The following PTCHD4 variants were observed in gnomAD, a reference collection of about 807,000 sequenced individuals.
PTCHD4 encodes patched domain-containing protein 4.
Under a neutral mutation model 58.1 loss-of-function variants are expected in PTCHD4, and 33 were observed. The ratio of observed to expected loss-of-function variants is 0.57; its 90% CI spans 0.43 to 0.76. The LOEUF is 0.76. Ranked by LOEUF, PTCHD4 falls within the 30% of genes least tolerant of loss-of-function variation. PTCHD4 has a pLI of 0.00. For missense variants in PTCHD4, 1,058 were observed against 1,027.1 expected (o/e 1.03, Z -0.41); for synonymous variants, 478 against 409.6 (o/e 1.17, Z -2.02).
chr6:48,070,019 C>A (rs1764945282), intron 1 of PTCHD4, among the ~76,000 whole-genome samples, 93 bp from the exon 2 acceptor site: 1 of 152,118 alleles, frequency 6.6e-6, no homozygotes, highest in East Asian at 1.9e-4. Flanking sequence ...AGAAAGAAAA[C>A]CCCCACCAGA....
chr6:48,069,155 AG>A lies in PTCHD4; in HGVS notation c.-199del, dbSNP rs1175946073. Among the ~76,000 whole-genome samples, 1 of 12,090 alleles carries A rather than the reference AG, an allele frequency of 8.3e-5. No individual in the cohort carries two copies. Among genetic ancestry groups the A allele is most frequent in the Admixed American group, 1.2e-3 (1 of 806 alleles). The allele number at this position is 12,090 out of a possible 152,430, so 7.9% of individuals were successfully genotyped here. On this transcript the variant is annotated 5_prime_UTR_variant, in exon 2 of 5. The change abolishes the stop of an existing upstream ORF in the 5' untranslated region. Coordinates refer to ENST00000339488, the MANE Select transcript of PTCHD4 (RefSeq NM_001384253.1). Reference sequence around the variant, plus strand: ...TGCCCCATAAAGGGGGGGGGGGCTGAGGGGGGGAGAGGAGGGAGAAGGGCGG... The same window carrying A: ...TGCCCCATAAAGGGGGGGGGGGCTGAGGGGGGAGAGGAGGGAGAAGGGCGG...
Position 47,869,342 on chromosome 6 carries a change from T to G in PTCHD4, c.*8961A>C, listed in dbSNP as rs1763658781. Among the ~76,000 whole-genome samples the G allele has an allele frequency of 1.3e-5, 2 of 151,730 alleles. No homozygotes were observed. The highest frequency in any genetic ancestry group is 6.6e-5 in the Admixed American group (1 of 15,192). On this transcript the variant is annotated 3_prime_UTR_variant, in exon 5 of 5. Coordinates refer to ENST00000339488, the MANE Select transcript of PTCHD4 (RefSeq NM_001384253.1). ...TACTGAGGAGCCGCTGGCTCACTCATTGTCTCCATCTTCTGCAGCTCTCAT... is the reference window on the plus strand; with the variant it reads ...TACTGAGGAGCCGCTGGCTCACTCAGTGTCTCCATCTTCTGCAGCTCTCAT...
chr6:47,864,759 G>A lies in PTCHD4; in HGVS notation c.*13544C>T, dbSNP rs1182458724. 6.6e-6 allele frequency among the ~76,000 whole-genome samples: 1 copy of A among 151,970 alleles called. No homozygotes were observed. Among genetic ancestry groups the A allele is most frequent in the Admixed American group, 6.6e-5 (1 of 15,234 alleles). ...TAATGCTAATGTTAAAACCATGTAT[G>A]TGTGAAATATTTGACAGGACAATTA... On this transcript the variant is annotated 3_prime_UTR_variant, in exon 5 of 5. Coordinates refer to ENST00000339488, the MANE Select transcript of PTCHD4 (RefSeq NM_001384253.1).
At chr6:47,947,259 T>C (rs16876853) in intron 4 of PTCHD4, among the ~76,000 whole-genome samples, 13,686 of 152,220 alleles carry the variant, frequency 0.09, 800 homozygotes, top group African/African-American at 0.16. Context: ...TATATTGATA[T>C]GCTACTTTCC....
At chr6:47,891,237 A>G (rs2114125573) in intron 4 of PTCHD4, among the ~76,000 whole-genome samples, 1 of 151,284 alleles carries the variant, frequency 6.6e-6, no homozygotes, top group Non-Finnish European at 1.5e-5. Flanking sequence ...AAAAAAAAAA[A>G]AAAAAAGATT....
intron 4 of PTCHD4, among the ~76,000 whole-genome samples, chr6:47,970,116 T>G (rs1767449012): frequency 6.6e-6 from 1 of 152,172 alleles, no homozygotes; most frequent in African/African-American, 2.4e-5. Flanking sequence ...TGACTTAGTT[T>G]TCTTGTAGTC....
At chr6:47,984,397 C>T (rs1357409469) in intron 4 of PTCHD4, among the ~76,000 whole-genome samples, 6 of 152,032 alleles carry the variant, frequency 3.9e-5, no homozygotes, top group Admixed American at 3.9e-4. Context: ...CTTATAAAAC[C>T]ATCAGATCTC....
At position 47,865,689 on chromosome 6, in the gene PTCHD4, C is replaced by T. The variant is rs2114067373; in HGVS notation, c.*12614G>A. On this transcript the variant is annotated 3_prime_UTR_variant, in exon 5 of 5. Coordinates refer to ENST00000339488, the MANE Select transcript of PTCHD4 (RefSeq NM_001384253.1). The stretch of plus-strand genomic sequence containing the variant: ...ATATTACCTTCATTGCTGATGACCA[C>T]AACAGCCTCCTAACTTAATTCTTTG... Among the ~76,000 whole-genome samples, 1 of 151,906 alleles carries T rather than the reference C, an allele frequency of 6.6e-6. No individual in the cohort carries two copies. The highest frequency in any genetic ancestry group is 2.1e-4 in the South Asian group (1 of 4,822).
At chr6:48,078,001 C>T (rs989037633) in intron 1 of PTCHD4, among the ~76,000 whole-genome samples, 5 of 152,086 alleles carry the variant, frequency 3.3e-5, no homozygotes, top group African/African-American at 1.2e-4. Context: ...CCAATAAACT[C>T]GTTCAATGCA....
At chr6:48,003,335 A>T (rs1032490184) in intron 4 of PTCHD4, among the ~76,000 whole-genome samples, 3 of 151,776 alleles carry the variant, frequency 2.0e-5, no homozygotes, top group Non-Finnish European at 4.4e-5. Flanking sequence ...CCCACAGTGA[A>T]TTCCTCTCAT....
intron 1 of PTCHD4, among the ~76,000 whole-genome samples, chr6:48,082,222 A>G (rs1370239771): frequency 6.6e-6 from 1 of 152,208 alleles, no homozygotes; most frequent in Non-Finnish European, 1.5e-5. Context: ...GAAATGAATG[A>G]AGAAGGAAGA....
chr6:48,019,299 G>A (rs548650302), intron 3 of PTCHD4, among the ~76,000 whole-genome samples: 21 of 152,186 alleles, frequency 1.4e-4, no homozygotes, highest in African/African-American at 3.8e-4. Context: ...CGAGGATAGA[G>A]TGGTAGACAG....
intron 4 of PTCHD4, among the ~76,000 whole-genome samples, chr6:47,948,556 A>G (rs762313285): frequency 1.2e-4 from 18 of 152,188 alleles, no homozygotes; most frequent in Admixed American, 2.6e-4. Flanking sequence ...TATAAACTTT[A>G]AAATGAGAAA....
rs909825716 is a variant in PTCHD4, at chr6:48,075,054, T to C, written c.-969-5128A>G. Among the ~76,000 whole-genome samples the C allele has an allele frequency of 2.6e-5, 4 of 152,164 alleles. No individual in the cohort carries two copies. In the East Asian group the frequency reaches 5.8e-4, roughly 22 times the overall value. ...GAAAATCTTCTATCTCTATTCACTA[T>C]ATCTTTGAGATGAAACTCAGTGATG... On this transcript the variant is annotated intron_variant, in intron 1 of 4. Transcript: ENST00000339488.
chr6:48,094,136 G>A (rs181736682), intron 1 of PTCHD4, among the ~76,000 whole-genome samples: 25 of 152,180 alleles, frequency 1.6e-4, no homozygotes, highest in African/African-American at 5.1e-4. Context: ...GGTAAAAATC[G>A]GACTGAAAGA....
chr6:48,027,019 GT>G (rs1189707627), intron 3 of PTCHD4, among the ~76,000 whole-genome samples: 1 of 151,586 alleles, frequency 6.6e-6, no homozygotes, highest in Non-Finnish European at 1.5e-5. Flanking sequence ...ATATTACTGT[GT>G]TCTACTGAGT....
At chr6:48,026,739 C>T (rs927748839) in intron 3 of PTCHD4, among the ~76,000 whole-genome samples, 4 of 152,160 alleles carry the variant, frequency 2.6e-5, no homozygotes, top group African/African-American at 7.2e-5. Flanking sequence ...GATCTTTCAT[C>T]CACTCAGATG....
intron 4 of PTCHD4, among the ~76,000 whole-genome samples, chr6:47,994,463 G>A (rs1404679600): frequency 6.6e-6 from 1 of 152,180 alleles, no homozygotes; most frequent in Admixed American, 6.5e-5. Context: ...TTGCAGTCTA[G>A]CATGGGAAGT....
In PTCHD4 at chr6:47,857,015, G is replaced by A. The variant is rs550229082; in HGVS notation, c.*21288C>T. Among the ~76,000 whole-genome samples, 6 of 152,116 alleles carry A rather than the reference G, an allele frequency of 3.9e-5. No homozygotes were observed. The South Asian group carries it at 1.2e-3, about 32-fold the overall frequency. On this transcript the variant is annotated 3_prime_UTR_variant, in exon 5 of 5. Coordinates refer to ENST00000339488, the MANE Select transcript of PTCHD4 (RefSeq NM_001384253.1). ...GAAGCATGACAACATTGATGATCAA[G>A]GTTGCTTAGGGAAATTGGAGCCTTC...
Sources: gnomAD v4.1 joint callset for allele counts (sites outside exome capture counted in the v4.1 genomes callset) on GRCh38, gnomAD v4.1.1 for gene constraint, MANE v1.5 for transcripts, NCBI Gene and HGNC (gene_info 2026-07-23, HGNC 2026-07-21) for gene names.